Variants in BRWD3 observed in about 807,000 individuals in gnomAD.
The protein encoded by BRWD3 is bromodomain and WD repeat domain containing 3.
A neutral mutation model predicts 149.7 loss-of-function variants in BRWD3; 10 were observed. That is an observed-to-expected ratio of 0.07 (90% confidence interval 0.04 to 0.11). The LOEUF is 0.11. Ranked by LOEUF, BRWD3 falls within the 10% of genes least tolerant of loss-of-function variation. The pLI, the probability that BRWD3 is intolerant of heterozygous loss-of-function variation, is 1.00. For missense variants in BRWD3, 940 were observed against 1,373.2 expected (o/e 0.68, Z 4.99); for synonymous variants, 504 against 456.7 (o/e 1.10, Z -1.32).
chrX:80,802,222 C>T (rs1287299495), intron 4 of BRWD3, among the ~76,000 whole-genome samples: 1 of 110,725 alleles, frequency 9.0e-6, no homozygotes, highest in Non-Finnish European at 1.9e-5. Flanking sequence ...GGGCGGATCA[C>T]TGGAGGTCAG....
intron 6 of BRWD3, among the ~76,000 whole-genome samples, chrX:80,765,840 A>G (rs1194403025): frequency 8.9e-6 from 1 of 111,944 alleles, no homozygotes; most frequent in Non-Finnish European, 1.9e-5. Flanking sequence ...AGTTGTATGC[A>G]AACAGATATA....
At chrX:80,750,442 C>G (rs953689336) in intron 6 of BRWD3, among the ~76,000 whole-genome samples, 2 of 110,463 alleles carry the variant, frequency 1.8e-5, no homozygotes, top group Non-Finnish European at 3.8e-5. Context: ...TCTCAAAAGA[C>G]GACATACAAA....
At chrX:80,735,044 G>T in intron 10 of BRWD3, 83 bp downstream of exon 10, 1 of 842,513 alleles carries the variant, frequency 1.2e-6, no homozygotes, top group Non-Finnish European at 1.8e-6. Context: ...ACTCAAATGT[G>T]TATCTTTTTT....
intron 22 of BRWD3, among the ~76,000 whole-genome samples, chrX:80,706,473 T>A (rs2147719862): frequency 8.9e-6 from 1 of 112,015 alleles, no homozygotes; most frequent in African/African-American, 3.2e-5. Context: ...AATTTTTTTT[T>A]ATTTTAAAAT....
intron 6 of BRWD3, chrX:80,746,892 C>CA (rs1444592032): frequency 3.3e-5 from 24 of 722,895 alleles, no homozygotes; most frequent in Non-Finnish European, 3.8e-5. Flanking sequence ...GACAAAATGA[C>CA]AAAAAATGAA....
chrX:80,676,954 T>A lies in BRWD3; in HGVS notation c.5064A>T (p.Gly1688=). The A allele has an allele frequency of 8.3e-7, 1 of 1,199,853 alleles. No homozygotes were observed. The highest frequency in any genetic ancestry group is 1.1e-6 in the Non-Finnish European group (1 of 885,422). The change falls in exon 41 of 41, where the codon GGA becomes GGT. Residue 1688 remains glycine, a synonymous_variant. Transcript: ENST00000373275. ...RWGRWSRGGR[G]RGGRGRGSRG... ...GACTCCCTCGTCCCCTGCCTCCTCT[T>A]CCTCTGCCTCCTCTACTCCATCTAC... is the stretch of plus-strand genomic sequence containing the variant.
In BRWD3 at chrX:80,745,703, T is replaced by A. The variant is rs373686108; in HGVS notation, c.457A>T (p.Thr153Ser). The change falls in exon 7 of 41, where the codon ACC becomes TCC. Residue 153 changes from threonine to serine, a missense_variant. Thr to Ser is a moderately conservative substitution (Grantham distance 58). Around this residue, in one of 6 missense-constraint regions of BRWD3, gnomAD observed 105 missense variants for 127.7 expected, o/e 0.82. Transcript: ENST00000373275. ...VVNITSARQL[T>S]GCSRFGHIFP... ...ATATGACCAAAGCGACTACAGCCGGTTAATTGCCTGGCAGAGGTGATATTC... is the reference window on the plus strand; with the variant it reads ...ATATGACCAAAGCGACTACAGCCGGATAATTGCCTGGCAGAGGTGATATTC... The A allele has an allele frequency of 1.7e-6, 2 of 1,208,297 alleles. No homozygotes were observed. Among genetic ancestry groups the A allele is most frequent in the East Asian group, 3.0e-5 (1 of 33,604 alleles).
intron 4 of BRWD3, among the ~76,000 whole-genome samples, chrX:80,800,453 TTGATTGAGCCCGGG>T (rs2074281282): frequency 9.5e-6 from 1 of 104,864 alleles, no homozygotes; most frequent in Admixed American, 1.0e-4. Context: ...GGTGGGAGGA[TTGATTGAGCCCGGG>T]AGGTGGAGGC....
At chrX:80,743,969 T>C (rs1274440819) in intron 8 of BRWD3, 63 bp downstream of exon 8, 39 of 962,895 alleles carry the variant, frequency 4.1e-5, no homozygotes, top group Middle Eastern at 2.7e-4. Context: ...CAATGTAACA[T>C]GAAATCAGAG....
At chrX:80,681,939 T>A in intron 39 of BRWD3, 58 bp downstream of exon 39, 3 of 949,304 alleles carry the variant, frequency 3.2e-6, no homozygotes, top group Admixed American at 2.2e-5. Context: ...CTCTTCTATA[T>A]CCTTAATATC....
At chrX:80,746,899 T>C (rs1279918926) in intron 6 of BRWD3, 3 of 687,412 alleles carry the variant, frequency 4.4e-6, no homozygotes, top group East Asian at 3.2e-4. Flanking sequence ...TGACAAAAAA[T>C]GAATAATGAA....
intron 6 of BRWD3, among the ~76,000 whole-genome samples, chrX:80,762,434 A>G (rs779859757): frequency 7.9e-4 from 88 of 111,389 alleles, no homozygotes; most frequent in African/African-American, 2.7e-3. Flanking sequence ...CTTCATGTTT[A>G]AATATATCAG....
intron 6 of BRWD3, among the ~76,000 whole-genome samples, chrX:80,753,548 G>A (rs972225275): frequency 1.8e-5 from 2 of 111,628 alleles, no homozygotes; most frequent in African/African-American, 6.5e-5. Flanking sequence ...TGGGATAACA[G>A]ACATGAGCCA....
chrX:80,685,687 C>A, intron 35 of BRWD3, 151 bp from the exon 36 acceptor site: 1 of 483,406 alleles, frequency 2.1e-6, no homozygotes, highest in South Asian at 3.1e-5. Context: ...GTACATTCGT[C>A]ATTCTCCTTT....
At chrX:80,748,767 T>G (rs1418882959) in intron 6 of BRWD3, among the ~76,000 whole-genome samples, 23 of 111,732 alleles carry the variant, frequency 2.1e-4, no homozygotes, top group Non-Finnish European at 1.3e-4. Flanking sequence ...ATTCCTTCCT[T>G]CTGCTAAGGT....
At chrX:80,764,472 ATTT>A (rs58148585) in intron 6 of BRWD3, among the ~76,000 whole-genome samples, 34 of 100,901 alleles carry the variant, frequency 3.4e-4, no homozygotes, top group Non-Finnish European at 5.7e-4. Flanking sequence ...CGCCTGGATA[ATTT>A]TTTTTTTTTT....
intron 31 of BRWD3, 84 bp from the exon 32 acceptor site, chrX:80,690,176 A>G: frequency 1.0e-6 from 1 of 994,210 alleles, no homozygotes; most frequent in Non-Finnish European, 1.4e-6. Flanking sequence ...ACAAATATGT[A>G]CTTAAACACA....
At chrX:80,702,571 T>A (rs1226607042) in intron 24 of BRWD3, among the ~76,000 whole-genome samples, 1 of 112,440 alleles carries the variant, frequency 8.9e-6, no homozygotes, top group South Asian at 3.6e-4. Context: ...TTAACATAAC[T>A]ATGCAAACAA....
At chrX:80,722,967 T>C (rs893391323) in intron 16 of BRWD3, among the ~76,000 whole-genome samples, 180 bp from the exon 17 acceptor site, 1 of 111,552 alleles carries the variant, frequency 9.0e-6, no homozygotes, top group Non-Finnish European at 1.9e-5. Context: ...ATGGTAATTC[T>C]CTTTTCTCCA....
Sources: gnomAD v4.1 joint callset for allele counts (sites outside exome capture counted in the v4.1 genomes callset) on GRCh38, gnomAD v4.1.1 for gene constraint, gnomAD v4.1.1 regional missense constraint, MANE v1.5 for transcripts, NCBI Gene and HGNC (gene_info 2026-07-23, HGNC 2026-07-21) for gene names.